Variants in CDKL3 observed in about 807,000 individuals in gnomAD.
The protein encoded by CDKL3 is cyclin-dependent kinase-like 3.
CDKL3 carries 65 observed loss-of-function variants against 69.3 expected under a neutral mutation model. That is an observed-to-expected ratio of 0.94 (90% CI 0.77 to 1.15). CDKL3 has a LOEUF of 1.15. CDKL3 is among the 50% of genes most tolerant of loss of function. CDKL3 has a pLI of 0.00. For synonymous variants in CDKL3, 202 were observed against 221.6 expected (o/e 0.91, Z 0.79); for missense variants, 652 against 689.2 (o/e 0.95, Z 0.61).
At chr5:134,341,778 GC>G (rs1750556128) in intron 4 of CDKL3, among the ~76,000 whole-genome samples, 1 of 152,166 alleles carries the variant, frequency 6.6e-6, no homozygotes. Flanking sequence ...AGACAATATG[GC>G]CCCAGCCAGG....
At chr5:134,326,916 GATTT>G (rs1235173190) in intron 4 of CDKL3, among the ~76,000 whole-genome samples, 10 of 144,386 alleles carry the variant, frequency 6.9e-5, no homozygotes, top group Non-Finnish European at 3.0e-5. Context: ...ATAAAATGAA[GATTT>G]ATTTATCCTC....
intron 4 of CDKL3, among the ~76,000 whole-genome samples, chr5:134,344,937 C>A (rs771169045): frequency 8.6e-5 from 13 of 151,920 alleles, no homozygotes; most frequent in Admixed American, 2.0e-4. Flanking sequence ...TGGTGCCATG[C>A]GCCTGTAGTC....
At chr5:134,355,564 G>C (rs1473526368) in intron 3 of CDKL3, among the ~76,000 whole-genome samples, 1 of 152,166 alleles carries the variant, frequency 6.6e-6, no homozygotes, top group Non-Finnish European at 1.5e-5. Flanking sequence ...TCGCAATTCT[G>C]AGATGATTTA....
intron 4 of CDKL3, among the ~76,000 whole-genome samples, 160 bp downstream of exon 4, chr5:134,350,089 G>A (rs1752892862): frequency 6.6e-6 from 1 of 152,174 alleles, no homozygotes; most frequent in Non-Finnish European, 1.5e-5. Flanking sequence ...TTGGGAGGCT[G>A]AAACAGGAGA....
At chr5:134,310,960 A>T (rs745591699) in intron 7 of CDKL3, among the ~76,000 whole-genome samples, 59 of 152,340 alleles carry the variant, frequency 3.9e-4, no homozygotes, top group Middle Eastern at 3.4e-3. Context: ...TTTTTAATGG[A>T]TGTCCATCTT....
At position 134,347,697 on chromosome 5, in the gene CDKL3, TA is replaced by T. The variant is rs1175296441; in HGVS notation, c.539+2551del. The stretch of plus-strand genomic sequence containing the variant: ...CCAAATGGCAAAACCCCATCTCTGC[TA>T]AAAAAAAAAAAAAAAAAAAAAAAGA... On this transcript the variant is annotated intron_variant, in intron 4 of 12. Coordinates refer to ENST00000265334, the MANE Select transcript of CDKL3 (RefSeq NM_001113575.2). 4.7e-3 allele frequency among the ~76,000 whole-genome samples: 248 copies of T among 52,826 alleles called. 3 individuals are homozygous for T. In the East Asian group the frequency reaches 0.052, roughly 11 times the overall value. 34.7% of individuals were successfully genotyped at this position (52,826 alleles called of 152,430 possible).
chr5:134,366,910 G>C (rs999137764), intron 1 of CDKL3, 67 bp downstream of exon 1: 18 of 996,334 alleles, frequency 1.8e-5, no homozygotes, highest in South Asian at 4.4e-5. Flanking sequence ...CCACTTATCA[G>C]GCCCAAGGTC....
chr5:134,343,280 C>G (rs190134039), intron 4 of CDKL3, among the ~76,000 whole-genome samples: 93 of 152,012 alleles, frequency 6.1e-4, no homozygotes, highest in African/African-American at 2.1e-3. Flanking sequence ...AATTGAGATT[C>G]TAGAAATAAG....
chr5:134,299,559 C>T lies in CDKL3; in HGVS notation c.1720-849G>A. ...TTAAAAACAAATTTAGGTGAATGTA[C>T]ATATAACTAACAGGATTTACGATAT... On this transcript the variant is annotated intron_variant, in intron 12 of 12. Coordinates refer to ENST00000265334, the MANE Select transcript of CDKL3 (RefSeq NM_001113575.2). 5.7e-6 allele frequency: 7 copies of T among 1,238,608 alleles called. No homozygotes were observed. The South Asian group carries it at 1.5e-4, about 26-fold the overall frequency. 76.7% of individuals were successfully genotyped at this position (1,238,608 alleles called of 1,614,324 possible).
chr5:134,298,830 C>T (rs1009300596), intron 12 of CDKL3, 120 bp from the exon 13 acceptor site: 99 of 1,351,428 alleles, frequency 7.3e-5, no homozygotes, highest in Non-Finnish European at 8.0e-5. Context: ...ACATGCTAGT[C>T]AAGCCAAAAG....
intron 9 of CDKL3, 142 bp downstream of exon 9, chr5:134,307,996 G>T (rs1768345618): frequency 1.5e-6 from 2 of 1,320,484 alleles, no homozygotes; most frequent in Non-Finnish European, 2.0e-6. Context: ...GAAACACTCA[G>T]TAAATGGCCC....
At chr5:134,293,601 G>C (rs59423706), downstream of CDKL3, among the ~76,000 whole-genome samples, 1 of 151,758 alleles carries the variant, frequency 6.6e-6, no homozygotes, top group South Asian at 2.1e-4. Flanking sequence ...TTCAAGACCA[G>C]CTGGGGCAAC....
chr5:134,316,487 AC>A (rs948378223), intron 6 of CDKL3, among the ~76,000 whole-genome samples: 31 of 152,050 alleles, frequency 2.0e-4, no homozygotes, highest in African/African-American at 6.7e-4. Context: ...AATCTGAGCT[AC>A]CTGGGAGGCT....
At chr5:134,323,614 T>C (rs939671612) in intron 4 of CDKL3, among the ~76,000 whole-genome samples, 7 of 151,926 alleles carry the variant, frequency 4.6e-5, no homozygotes, top group Admixed American at 2.0e-4. Context: ...AATTGAATAA[T>C]AAGATAAAAA....
chr5:134,285,658 G>A (rs1368419134), downstream of CDKL3, among the ~76,000 whole-genome samples: 1 of 152,214 alleles, frequency 6.6e-6, no homozygotes, highest in Non-Finnish European at 1.5e-5. Flanking sequence ...GCTCCTCATT[G>A]CTTTTGCAAA....
At chr5:134,316,248 G>A (rs767233653) in intron 6 of CDKL3, among the ~76,000 whole-genome samples, 10 of 152,010 alleles carry the variant, frequency 6.6e-5, no homozygotes, top group South Asian at 2.1e-4. Flanking sequence ...CCCTGCCCCC[G>A]GACCACTTCT....
At chr5:134,301,982 G>A (rs1341533236) in intron 12 of CDKL3, among the ~76,000 whole-genome samples, 1 of 152,114 alleles carries the variant, frequency 6.6e-6, no homozygotes, top group Non-Finnish European at 1.5e-5. Context: ...GGAGGCCATC[G>A]ATATGATTTA....
chr5:134,364,107 C>T (rs953372630), intron 2 of CDKL3, among the ~76,000 whole-genome samples: 1 of 152,012 alleles, frequency 6.6e-6, no homozygotes, highest in Non-Finnish European at 1.5e-5. Flanking sequence ...TATACTATAT[C>T]GTCAAGATCA....
chr5:134,346,559 C>T (rs1751931498), intron 4 of CDKL3, among the ~76,000 whole-genome samples: 1 of 152,216 alleles, frequency 6.6e-6, no homozygotes, highest in East Asian at 1.9e-4. Flanking sequence ...TGCTGCGGTG[C>T]GATCTCGGCT....
Sources: allele counts gnomAD v4.1 joint callset (sites outside exome capture counted in the v4.1 genomes callset), GRCh38; gene constraint gnomAD v4.1.1; transcripts MANE v1.5; gene names NCBI Gene and HGNC (gene_info 2026-07-23, HGNC 2026-07-21).